NOP9: variants seen among roughly 807,000 people sequenced by gnomAD.
NOP9 encodes the protein NOP9 nucleolar protein, also known as nucleolar protein 9.
NOP9 carries 50 observed loss-of-function variants against 63.0 expected under a neutral mutation model. The ratio of observed to expected loss-of-function variants is 0.79; its 90% CI spans 0.63 to 1.00. The LOEUF is 1.00. Among genes scored for constraint, NOP9 ranks in the 50% least tolerant of loss-of-function variants. The pLI, the probability that NOP9 is intolerant of heterozygous loss-of-function variation, is 0.00. For missense variants in NOP9, 758 were observed against 803.0 expected, an observed-to-expected ratio of 0.94 and a Z score of 0.68; for synonymous variants, 343 against 332.8, an observed-to-expected ratio of 1.03 and a Z score of -0.33.
intron 7 of NOP9, 38 bp downstream of exon 7, chr14:24,303,895 GAGTC>G: frequency 6.2e-7 from 1 of 1,609,386 alleles, no homozygotes; most frequent in East Asian, 2.2e-5. Flanking sequence ...GACTAATTGG[GAGTC>G]AGGCCTCCCA....
the NOP9 span, among the ~76,000 whole-genome samples, chr14:24,275,283 A>G: frequency 6.6e-6 from 1 of 152,228 alleles, no homozygotes; most frequent in Non-Finnish European, 1.5e-5. Context: ...ACAAACAGTA[A>G]TTGAGTATCA....
chr14:24,287,357 C>G, the NOP9 span, among the ~76,000 whole-genome samples: 6 of 152,102 alleles, frequency 3.9e-5, no homozygotes, highest in African/African-American at 1.2e-4. Context: ...CCAGAAAAAC[C>G]TTGTCCCAGG....
chr14:24,286,615 C>T, the NOP9 span, among the ~76,000 whole-genome samples: 8 of 151,808 alleles, frequency 5.3e-5, no homozygotes, highest in Admixed American at 1.3e-4. Context: ...TTTTTCGAGA[C>T]GGAGTCTCGC....
At position 24,307,565 on chromosome 14, in the gene NOP9, G is replaced by A; in HGVS notation, c.*2470G>A. ...GAAGGGGCGAGGAGGGGCTTGGTGA[G>A]TGTAAAGGGCATGATGAGGGTAGAG... is the stretch of plus-strand genomic sequence containing the variant. On this transcript the variant is annotated 3_prime_UTR_variant, in exon 10 of 10. Transcript: ENST00000267425. 1.3e-6 allele frequency: 2 copies of A among 1,588,762 alleles called. No individual in the cohort carries two copies. The highest frequency in any genetic ancestry group is 1.7e-6 in the Non-Finnish European group (2 of 1,163,526).
At chr14:24,293,797 T>G in the NOP9 span, 1 of 151,880 alleles carries the variant, frequency 6.6e-6, no homozygotes, top group Non-Finnish European at 1.5e-5. Flanking sequence ...GAGACCAGCC[T>G]GGCCAACACA....
At position 24,302,419 on chromosome 14, in the gene NOP9, G is replaced by C; in HGVS notation, c.1138G>C (p.Glu380Gln). The C allele has an allele frequency of 1.9e-6, 3 of 1,605,744 alleles. No homozygotes were observed. The highest frequency in any genetic ancestry group is 1.7e-6 in the Non-Finnish European group (2 of 1,173,978). Residue 380 changes from glutamate (E) to glutamine (Q), a missense_variant, in exon 5 of 10, where the codon GAG (glutamate) becomes CAG (glutamine). Glu to Gln is a conservative substitution (Grantham distance 29). Transcript: ENST00000267425. The part of the protein sequence containing the change: ...QRLLDAVTTP[E>Q]LLSPVFEELS... ...CTTACTGGATGCAGTCACTACCCCTGAGCTGGTGAGTTGGAAACCTGAGCT... is the reference window on the plus strand; with the variant it reads ...CTTACTGGATGCAGTCACTACCCCTCAGCTGGTGAGTTGGAAACCTGAGCT...
chr14:24,278,164 C>T, the NOP9 span, among the ~76,000 whole-genome samples: 3 of 152,182 alleles, frequency 2.0e-5, no homozygotes, highest in South Asian at 6.2e-4. Context: ...CCCAGAGATA[C>T]TCAGTGAAGT....
In NOP9 at chr14:24,307,234, C is replaced by T. The variant is rs191717119; in HGVS notation, c.*2139C>T. 5.4e-6 allele frequency: 5 copies of T among 922,276 alleles called. No individual in the cohort carries two copies. The East Asian group carries it at 1.2e-4, about 23-fold the overall frequency. The allele number at this position is 922,276 out of a possible 1,614,324, so 57.1% of individuals were successfully genotyped here. ...CAAATTGACCAGAGCTCATTAGGCC[C>T]ACTCCGCTGCTTTTAGCCCTCAGAG... On this transcript the variant is annotated 3_prime_UTR_variant, in exon 10 of 10. Coordinates refer to ENST00000267425, the MANE Select transcript of NOP9 (RefSeq NM_174913.3).
chr14:24,280,497 A>C, the NOP9 span, among the ~76,000 whole-genome samples: 3 of 152,112 alleles, frequency 2.0e-5, no homozygotes, highest in African/African-American at 7.2e-5. Context: ...CTACCTACCC[A>C]AGGGGACTCA....
the NOP9 span, among the ~76,000 whole-genome samples, chr14:24,286,080 C>T: frequency 1.3e-5 from 2 of 152,222 alleles, no homozygotes; most frequent in East Asian, 3.8e-4. Flanking sequence ...CAGCCAAGAA[C>T]CTTGACTTGC....
chr14:24,299,056 C>G, upstream of NOP9: 3 of 1,614,088 alleles, frequency 1.9e-6, no homozygotes, highest in Non-Finnish European at 2.5e-6. Context: ...GGCCAATACC[C>G]CTGGAGGCAC....
the NOP9 span, among the ~76,000 whole-genome samples, chr14:24,275,629 G>A: frequency 6.6e-6 from 1 of 152,212 alleles, no homozygotes; most frequent in Non-Finnish European, 1.5e-5. Context: ...TCACAGACCA[G>A]AGAGTCTGGA....
At chr14:24,288,374 G>C in the NOP9 span, among the ~76,000 whole-genome samples, 4 of 151,658 alleles carry the variant, frequency 2.6e-5, no homozygotes, top group Non-Finnish European at 5.9e-5. Flanking sequence ...TTTTGAGATG[G>C]AGTCTCACAC....
the NOP9 span, among the ~76,000 whole-genome samples, chr14:24,285,300 CTATT>C: frequency 6.6e-6 from 1 of 152,184 alleles, no homozygotes. Context: ...TCATTAGTCT[CTATT>C]TAAGCTGTCA....
chr14:24,292,909 T>G, the NOP9 span: 1 of 1,276,692 alleles, frequency 7.8e-7, no homozygotes, highest in Non-Finnish European at 1.0e-6. Context: ...ACAGGGTGGG[T>G]TAGCGACCTG....
chr14:24,301,852 T>G lies in NOP9; in HGVS notation c.809-113T>G, dbSNP rs1158307037. On this transcript the variant is annotated intron_variant, in intron 3 of 9. Transcript: ENST00000267425. ...GGTCTGGTTTGACGTTCAGAGCACT[T>G]TGTATAGTCCCTTTGTGTCCATAGT... The G allele has an allele frequency of 6.3e-6, 9 of 1,439,754 alleles. No homozygotes were observed. In the Admixed American group the frequency reaches 1.4e-4, roughly 22 times the overall value. 89.2% of individuals were successfully genotyped at this position (1,439,754 alleles called of 1,614,324 possible). A position where few individuals can be genotyped will look rare whatever the true frequency, so the allele number is the denominator to read the frequency against.
In NOP9 at chr14:24,304,584, TTGC is replaced by T; in HGVS notation, c.1745_1747del (p.Ala582del). 4 of 1,610,978 alleles carry T rather than the reference TTGC, an allele frequency of 2.5e-6. No individual in the cohort carries two copies. Among genetic ancestry groups the T allele is most frequent in the Non-Finnish European group, 3.4e-6 (4 of 1,178,862 alleles). ...GCAGCCTTGAGGGCCCGGAAGGAAATTGCTGCTGAGCTTGGTGAGTACCAGCCC... is the reference window on the plus strand; with the variant it reads ...GCAGCCTTGAGGGCCCGGAAGGAAATTGCTGAGCTTGGTGAGTACCAGCCC... On this transcript the variant is annotated inframe_deletion, in exon 9 of 10. Transcript: ENST00000267425.
Position 24,306,563 on chromosome 14 carries a change from C to A in NOP9, c.*1468C>A. ...GAAGCAAGAAGGGCAGGTCTTATCC[C>A]ATGCCCCTTCCCTCTTTAGCTGCCC... On this transcript the variant is annotated 3_prime_UTR_variant, in exon 10 of 10. Transcript: ENST00000267425. 1 of 1,613,296 alleles carries A rather than the reference C, an allele frequency of 6.2e-7. No homozygotes were observed. Among genetic ancestry groups the A allele is most frequent in the South Asian group, 1.1e-5 (1 of 91,052 alleles).
rs747260921 is a variant in NOP9, at chr14:24,300,504, G to A, written c.344G>A (p.Gly115Glu). 6.2e-7 allele frequency: 1 copy of A among 1,614,246 alleles called. No individual in the cohort carries two copies. The highest frequency in any genetic ancestry group is 8.5e-7 in the Non-Finnish European group (1 of 1,180,030). The change falls in exon 2 of 10, where the codon GGA becomes GAA. Residue 115 changes from glycine to glutamate, a missense_variant. Physicochemically the swap from Gly to Glu is moderately conservative, Grantham distance 98. Transcript: ENST00000267425. ...AGTGAGATGCTGCAGGAACTGTTGG[G>A]ATTCAGTCCCTTGAAACCGCTTTGT... ...TGSEMLQELL[G>E]FSPLKPLCRV...
Sources: allele counts gnomAD v4.1 joint callset (sites outside exome capture counted in the v4.1 genomes callset), GRCh38; gene constraint gnomAD v4.1.1; transcripts MANE v1.5; gene names NCBI Gene and HGNC (gene_info 2026-07-23, HGNC 2026-07-21).